SND1: variants seen among roughly 807,000 people sequenced by gnomAD.
The protein encoded by SND1 is staphylococcal nuclease and tudor domain containing 1, also known as staphylococcal nuclease domain-containing protein 1.
SND1 carries 38 observed loss-of-function variants against 121.7 expected under a neutral mutation model. That is an observed-to-expected ratio of 0.31 (90% CI 0.24 to 0.41). The LOEUF (loss-of-function observed/expected upper bound fraction) is 0.41, where lower values mean the gene tolerates loss of function less well. Among genes scored for constraint, SND1 ranks in the 10% least tolerant of loss-of-function variants. The pLI is 1.00. For synonymous variants in SND1, 401 were observed against 447.4 expected, an observed-to-expected ratio of 0.90 and a Z score of 1.31; for missense variants, 868 against 1,184.6, an observed-to-expected ratio of 0.73 and a Z score of 3.92.
chr7:127,707,593 C>T lies in SND1; in HGVS notation c.984C>T (p.Asp328=), dbSNP rs1402495124. The part of the protein sequence containing the change: ...AKERRLRIWR[D]YVAPTANLDQ... ...AGCGCAGGCTGAGAATATGGAGAGA[C>T]TATGTGGCTCCCACAGCTAATTTGG... The change falls in exon 9 of 24, where the codon GAC becomes GAT. Residue 328 remains aspartate, a synonymous_variant. Transcript: ENST00000354725. The T allele has an allele frequency of 1.2e-6, 2 of 1,614,108 alleles. No individual in the cohort carries two copies. Among genetic ancestry groups the T allele is most frequent in the Non-Finnish European group, 1.7e-6 (2 of 1,179,982 alleles).
rs1584566899 is a variant in SND1, at chr7:127,779,522, A to G, written c.1153-27962A>G. On this transcript the variant is annotated intron_variant, in intron 10 of 23. Coordinates refer to ENST00000354725, the MANE Select transcript of SND1 (RefSeq NM_014390.4). ...TCCCATGGTGTGGCCTAAGCTTCCA[A>G]ACATTTCTTATAATGGCCTTTATAT... Among the ~76,000 whole-genome samples, 7 of 152,286 alleles carry G rather than the reference A, an allele frequency of 4.6e-5. No homozygotes were observed. In the South Asian group the frequency reaches 1.5e-3, roughly 32 times the overall value.
chr7:127,662,279 CTA>C (rs1202379653), intron 1 of SND1, among the ~76,000 whole-genome samples: 3 of 152,186 alleles, frequency 2.0e-5, no homozygotes, highest in Non-Finnish European at 2.9e-5. Flanking sequence ...GGGTCAATCT[CTA>C]TGTGTCTGGC....
At chr7:127,802,167 A>G (rs751174231) in intron 10 of SND1, among the ~76,000 whole-genome samples, 24 of 152,164 alleles carry the variant, frequency 1.6e-4, no homozygotes, top group Admixed American at 2.6e-4. Flanking sequence ...ACTCCCCCCA[A>G]AATTCAACTA....
At chr7:127,968,775 T>G (rs1801911593) in intron 15 of SND1, among the ~76,000 whole-genome samples, 1 of 152,222 alleles carries the variant, frequency 6.6e-6, no homozygotes, top group South Asian at 2.1e-4. Flanking sequence ...CTCCCAAGCA[T>G]AACACAACAG....
At chr7:127,858,881 T>G (rs979577251) in intron 12 of SND1, among the ~76,000 whole-genome samples, 11 of 152,216 alleles carry the variant, frequency 7.2e-5, no homozygotes, top group African/African-American at 2.7e-4. Flanking sequence ...TTTCTCTGAG[T>G]AGAATGATGG....
chr7:127,847,741 G>A (rs1799093016), intron 12 of SND1, among the ~76,000 whole-genome samples: 1 of 152,194 alleles, frequency 6.6e-6, no homozygotes, highest in Non-Finnish European at 1.5e-5. Flanking sequence ...CGGGCTCACT[G>A]CCCGAAGTGC....
intron 14 of SND1, among the ~76,000 whole-genome samples, chr7:127,925,388 C>T (rs1020414159): frequency 6.6e-6 from 1 of 152,074 alleles, no homozygotes; most frequent in Admixed American, 6.5e-5. Flanking sequence ...AAGCTATGAG[C>T]CAACATAGTG....
intron 16 of SND1, among the ~76,000 whole-genome samples, chr7:128,021,214 G>T (rs117697290): frequency 0.017 from 2,587 of 152,312 alleles, 33 homozygotes; most frequent in Non-Finnish European, 0.026. Context: ...CAGAAATTAA[G>T]TCTTCTTGCA....
chr7:128,076,618 G>A (rs529870784), intron 17 of SND1, among the ~76,000 whole-genome samples: 1 of 152,284 alleles, frequency 6.6e-6, no homozygotes, highest in African/African-American at 2.4e-5. Flanking sequence ...TATCTGGGGT[G>A]TACCCAGCCT....
At chr7:127,657,005 T>C (rs1338143152) in intron 1 of SND1, among the ~76,000 whole-genome samples, 2 of 152,250 alleles carry the variant, frequency 1.3e-5, no homozygotes, top group Non-Finnish European at 2.9e-5. Flanking sequence ...ACTAAGTTTT[T>C]ACTGTATCTT....
At chr7:127,964,172 A>G (rs1422676317) in intron 15 of SND1, among the ~76,000 whole-genome samples, 1 of 150,532 alleles carries the variant, frequency 6.6e-6, no homozygotes, top group East Asian at 2.0e-4. Context: ...TCAGATGAGT[A>G]GGTTGCAAAA....
intron 15 of SND1, among the ~76,000 whole-genome samples, chr7:127,946,234 A>G (rs933942461): frequency 6.6e-6 from 1 of 152,208 alleles, no homozygotes; most frequent in Non-Finnish European, 1.5e-5. Flanking sequence ...AGATGAGAGC[A>G]TGGCTAAGAC....
chr7:127,972,884 T>C (rs140409426), intron 15 of SND1, among the ~76,000 whole-genome samples: 3 of 152,376 alleles, frequency 2.0e-5, no homozygotes, highest in African/African-American at 7.2e-5. Context: ...CTGGCCATTT[T>C]ACCCAACTGT....
At chr7:128,021,629 T>C (rs1165877030) in intron 16 of SND1, among the ~76,000 whole-genome samples, 1 of 152,144 alleles carries the variant, frequency 6.6e-6, no homozygotes, top group South Asian at 2.1e-4. Context: ...TAGTAACTTA[T>C]CTAGTGACTA....
intron 16 of SND1, among the ~76,000 whole-genome samples, chr7:128,007,769 T>A (rs1430731977): frequency 6.6e-6 from 1 of 152,180 alleles, no homozygotes; most frequent in East Asian, 1.9e-4. Flanking sequence ...AGTGCAAAGA[T>A]AAAAACCAAA....
chr7:127,742,222 A>T (rs1252327867), intron 10 of SND1, among the ~76,000 whole-genome samples: 1 of 152,152 alleles, frequency 6.6e-6, no homozygotes. Context: ...AGTCGAGAGG[A>T]CAACTTGTGC....
chr7:127,794,569 A>G (rs957801412), intron 10 of SND1, among the ~76,000 whole-genome samples: 1 of 152,234 alleles, frequency 6.6e-6, no homozygotes, highest in African/African-American at 2.4e-5. Flanking sequence ...TATCCTCTGA[A>G]TGGGCTCACC....
chr7:127,819,014 C>T (rs1434896083), intron 11 of SND1, among the ~76,000 whole-genome samples: 1 of 152,196 alleles, frequency 6.6e-6, no homozygotes, highest in Non-Finnish European at 1.5e-5. Context: ...ATGGTCTCTG[C>T]ATTTATGACA....
chr7:127,960,769 G>T (rs187897603), intron 15 of SND1, among the ~76,000 whole-genome samples: 1 of 152,338 alleles, frequency 6.6e-6, no homozygotes, highest in East Asian at 1.9e-4. Context: ...TTAGGAGAGA[G>T]ATTAGGACCA....
Sources: allele counts gnomAD v4.1 joint callset (sites outside exome capture counted in the v4.1 genomes callset), GRCh38; gene constraint gnomAD v4.1.1; transcripts MANE v1.5; gene names NCBI Gene and HGNC (gene_info 2026-07-23, HGNC 2026-07-21).